The following SLC4A7 variants were observed in gnomAD, a reference collection of about 807,000 sequenced individuals.
SLC4A7 encodes sodium bicarbonate cotransporter 3.
A neutral mutation model predicts 137.6 loss-of-function variants in SLC4A7; 51 were observed. The observed-to-expected ratio is 0.37, with a 90% CI of 0.30 to 0.47. SLC4A7 has a LOEUF of 0.47. Among genes scored for constraint, SLC4A7 ranks in the 20% least tolerant of loss-of-function variants. The probability of loss-of-function intolerance (pLI) is 1.00; values close to 1 mark genes in which losing one functional copy is unlikely to be tolerated. For missense variants in SLC4A7, 1,247 were observed against 1,525.4 expected (o/e 0.82, Z 3.04); for synonymous variants, 542 against 518.6 (o/e 1.05, Z -0.61).
chr3:27,391,162 A>G (rs2051513109), intron 21 of SLC4A7, among the ~76,000 whole-genome samples: 1 of 152,226 alleles, frequency 6.6e-6, no homozygotes, highest in South Asian at 2.1e-4. Context: ...ACAAATCTTA[A>G]GAAGTTTTAT....
chr3:27,387,357 A>C (rs1276576033), intron 22 of SLC4A7, among the ~76,000 whole-genome samples: 1 of 152,214 alleles, frequency 6.6e-6, no homozygotes, highest in Non-Finnish European at 1.5e-5. Flanking sequence ...TATACTACTC[A>C]TATAATGCAC....
At position 27,383,075 on chromosome 3, in the gene SLC4A7, C is replaced by T. The variant is rs1437450125; in HGVS notation, c.3590+78G>A. 5.9e-6 allele frequency: 5 copies of T among 849,252 alleles called. No individual in the cohort carries two copies. The East Asian group carries it at 9.8e-5, about 17-fold the overall frequency. The allele number at this position is 849,252 out of a possible 1,614,324, so 52.6% of individuals were successfully genotyped here. ...ATCTTTTATAAAATAGAAATCATCA[C>T]TTTAAAGAAGCATTATATGACTTAT... is the stretch of plus-strand genomic sequence containing the variant. On this transcript the variant is annotated intron_variant, in intron 24 of 25. Coordinates refer to ENST00000454389, the MANE Select transcript of SLC4A7 (RefSeq NM_001321103.2).
intron 1 of SLC4A7, among the ~76,000 whole-genome samples, chr3:27,466,136 T>G (rs942491430): frequency 2.0e-5 from 3 of 151,810 alleles, no homozygotes; most frequent in African/African-American, 7.3e-5. Context: ...AGGGCCCATG[T>G]TTTCTCTTTA....
intron 18 of SLC4A7, 146 bp downstream of exon 18, chr3:27,397,538 A>C (rs556364267): frequency 3.4e-6 from 2 of 590,754 alleles, no homozygotes; most frequent in East Asian, 5.9e-5. Context: ...CATATGAAAA[A>C]CACATATAAA....
intron 12 of SLC4A7, among the ~76,000 whole-genome samples, chr3:27,411,218 A>C (rs1433714747): frequency 2.6e-5 from 4 of 152,204 alleles, no homozygotes; most frequent in African/African-American, 4.8e-5. Flanking sequence ...AGATTACCTC[A>C]TGATATAATG....
At chr3:27,381,347 C>G (rs2050394450) in intron 24 of SLC4A7, among the ~76,000 whole-genome samples, 1 of 152,182 alleles carries the variant, frequency 6.6e-6, no homozygotes. Flanking sequence ...GTGATAATTA[C>G]TAACAACCAT....
chr3:27,436,677 C>T, intron 4 of SLC4A7, 129 bp from the exon 5 acceptor site: 5 of 604,462 alleles, frequency 8.3e-6, no homozygotes, highest in South Asian at 6.9e-5. Flanking sequence ...CGACCAAACA[C>T]GTTTTCACAA....
At chr3:27,436,615 TAAAG>T in intron 4 of SLC4A7, 67 bp from the exon 5 acceptor site, 5 of 952,088 alleles carry the variant, frequency 5.3e-6, no homozygotes, top group Non-Finnish European at 7.4e-6. Context: ...CTTAATGTGA[TAAAG>T]AAACATTTGT....
chr3:27,428,238 A>G (rs1331362898), intron 7 of SLC4A7: 1 of 154,310 alleles, frequency 6.5e-6, no homozygotes, highest in Non-Finnish European at 1.5e-5. Flanking sequence ...ACAATGAAAT[A>G]CTCTAGTATA....
Position 27,484,050 on chromosome 3 carries a change from C to T in SLC4A7, c.60+17G>A. On this transcript the variant is annotated intron_variant, in intron 1 of 25. Transcript: ENST00000454389. ...CCCTCCCCCTGCGGAGGAGCCCCAC[C>T]GCCGCGGCGCCCTCACCCTGCTCGT... 7.2e-7 allele frequency: 1 copy of T among 1,393,564 alleles called. No individual in the cohort carries two copies. The allele number at this position is 1,393,564 out of a possible 1,614,324, so 86.3% of individuals were successfully genotyped here.
At chr3:27,405,102 T>C in intron 13 of SLC4A7, 139 bp from the exon 14 acceptor site, 1 of 454,558 alleles carries the variant, frequency 2.2e-6, no homozygotes, top group Non-Finnish European at 3.7e-6. Context: ...GAGTTTTTAA[T>C]TTAAAATATA....
chr3:27,467,177 T>G (rs1448599779), intron 1 of SLC4A7, among the ~76,000 whole-genome samples: 1 of 152,174 alleles, frequency 6.6e-6, no homozygotes, highest in Non-Finnish European at 1.5e-5. Flanking sequence ...CAATGCACTT[T>G]TCACTGGGCC....
chr3:27,426,347 C>T (rs2055616098), intron 7 of SLC4A7, among the ~76,000 whole-genome samples: 1 of 152,206 alleles, frequency 6.6e-6, no homozygotes, highest in Admixed American at 6.5e-5. Flanking sequence ...TGTCCCTAAA[C>T]TTCCAGAAGA....
chr3:27,453,009 A>G (rs1222634185), intron 1 of SLC4A7, among the ~76,000 whole-genome samples: 5 of 152,220 alleles, frequency 3.3e-5, no homozygotes, highest in Non-Finnish European at 5.9e-5. Context: ...AAAAGTTAAA[A>G]GAACTTTTTC....
In SLC4A7 at chr3:27,373,443, T is replaced by C. The variant is rs969144747; in HGVS notation, c.*3321A>G. 1 of 152,140 alleles carries C rather than the reference T, an allele frequency of 6.6e-6. No homozygotes were observed. The allele number at this position is 152,140 out of a possible 1,614,324, so 9.4% of individuals were successfully genotyped here. ...CAAAAGACATTTCACATATTTGCAC[T>C]GCATACGATAAAAATGATGTGATCT... On this transcript the variant is annotated 3_prime_UTR_variant, in exon 26 of 26. Coordinates refer to ENST00000454389, the MANE Select transcript of SLC4A7 (RefSeq NM_001321103.2).
intron 22 of SLC4A7, among the ~76,000 whole-genome samples, chr3:27,387,534 T>C (rs927027473): frequency 6.6e-6 from 1 of 152,120 alleles, no homozygotes; most frequent in African/African-American, 2.4e-5. Flanking sequence ...TGGCACTATA[T>C]TACATTTAAA....
At chr3:27,464,142 C>G (rs1037093329) in intron 1 of SLC4A7, among the ~76,000 whole-genome samples, 2 of 152,208 alleles carry the variant, frequency 1.3e-5, no homozygotes, top group Non-Finnish European at 2.9e-5. Context: ...CCACTGCACT[C>G]CAGCCTGGGA....
rs976498614 is a variant in SLC4A7, at chr3:27,432,325, T to C, written c.779-656A>G. ...TACATATTCTTGAGCTCTCTAAAAATATTAATAAATGTCCTAAAGTATGCT... is the reference window on the plus strand; with the variant it reads ...TACATATTCTTGAGCTCTCTAAAAACATTAATAAATGTCCTAAAGTATGCT... On this transcript the variant is annotated intron_variant, in intron 6 of 25. Transcript: ENST00000454389. Among the ~76,000 whole-genome samples, 6 of 152,312 alleles carry C rather than the reference T, an allele frequency of 3.9e-5. No homozygotes were observed. In the South Asian group the frequency reaches 1.0e-3, roughly 26 times the overall value.
At chr3:27,453,777 C>T (rs2058238533) in intron 1 of SLC4A7, among the ~76,000 whole-genome samples, 1 of 152,164 alleles carries the variant, frequency 6.6e-6, no homozygotes, top group Non-Finnish European at 1.5e-5. Flanking sequence ...AAACTCAGAA[C>T]AGGACACAGT....
Sources: gnomAD v4.1 joint callset for allele counts (sites outside exome capture counted in the v4.1 genomes callset) on GRCh38, gnomAD v4.1.1 for gene constraint, MANE v1.5 for transcripts, NCBI Gene and HGNC (gene_info 2026-07-23, HGNC 2026-07-21) for gene names.